The following POLA1 variants were observed in gnomAD, a reference collection of about 807,000 sequenced individuals.
The protein encoded by POLA1 is DNA polymerase alpha 1, catalytic subunit, also known as DNA polymerase alpha catalytic subunit.
Under a neutral mutation model 124.0 loss-of-function variants are expected in POLA1, and 15 were observed. The ratio of observed to expected loss-of-function variants is 0.12; its 90% CI spans 0.08 to 0.19. The LOEUF (loss-of-function observed/expected upper bound fraction) is 0.19. Among genes scored for constraint, POLA1 ranks in the 10% least tolerant of loss-of-function variants. The pLI, the probability that POLA1 is intolerant of heterozygous loss-of-function variation, is 1.00. For missense variants in POLA1, 886 were observed against 1,103.4 expected, an observed-to-expected ratio of 0.80 and a Z score of 2.79; for synonymous variants, 408 against 389.4, an observed-to-expected ratio of 1.05 and a Z score of -0.56.
At chrX:24,800,190 A>T (rs2045682251) in intron 26 of POLA1, among the ~76,000 whole-genome samples, 2 of 112,044 alleles carry the variant, frequency 1.8e-5, no homozygotes, top group South Asian at 7.6e-4. Context: ...TCTAGTCTTA[A>T]TGAAAATTGT....
intron 2 of POLA1, among the ~76,000 whole-genome samples, chrX:24,700,145 T>C (rs898606296): frequency 9.2e-6 from 1 of 108,153 alleles, no homozygotes; most frequent in Non-Finnish European, 1.9e-5. Flanking sequence ...AATTGCCTTA[T>C]GGCCAGAAAG....
At chrX:24,867,611 A>G (rs1477475778) in intron 34 of POLA1, among the ~76,000 whole-genome samples, 1 of 112,065 alleles carries the variant, frequency 8.9e-6, no homozygotes, top group Non-Finnish European at 1.9e-5. Context: ...TTTTTAAAGC[A>G]TTAATTTACA....
Position 24,946,126 on chromosome X carries a change from T to A in POLA1, c.4261+15577T>A, listed in dbSNP as rs964070962. Among the ~76,000 whole-genome samples, 3 of 110,992 alleles carry A rather than the reference T, an allele frequency of 2.7e-5. No homozygotes were observed. In the South Asian group the frequency reaches 1.2e-3, roughly 43 times the overall value. ...GACTGGATAGGTAACTGGGGAGATA[T>A]TAAGGTGGAGGCTAACCCAAACGTG... is the stretch of plus-strand genomic sequence containing the variant. On this transcript the variant is annotated intron_variant, in intron 36 of 36. Transcript: ENST00000379068.
intron 26 of POLA1, among the ~76,000 whole-genome samples, chrX:24,791,054 G>C (rs1261621174): frequency 1.8e-5 from 2 of 109,239 alleles, no homozygotes; most frequent in African/African-American, 6.7e-5. Flanking sequence ...CTGTCAATCG[G>C]TGGCATAATC....
rs763787149 is a variant in POLA1, at chrX:24,694,014, A to G, written c.43+10A>G. 4 of 1,175,565 alleles carry G rather than the reference A, an allele frequency of 3.4e-6. No homozygotes were observed. The highest frequency in any genetic ancestry group is 1.9e-5 in the South Asian group (1 of 53,123). ...GAGATAGGGGCGAGTGGTGAGGGAC[A>G]ATTCCGCGCGCGGGGCTCCGGGTTG... On this transcript the variant is annotated intron_variant, in intron 1 of 36. Transcript: ENST00000379068.
chrX:24,874,153 C>G (rs1444732108), intron 34 of POLA1, among the ~76,000 whole-genome samples: 1 of 112,064 alleles, frequency 8.9e-6, no homozygotes, highest in Non-Finnish European at 1.9e-5. Flanking sequence ...GCTCTAAAGT[C>G]TCTTCCAATT....
chrX:24,860,743 C>T (rs1231858823), intron 34 of POLA1, among the ~76,000 whole-genome samples: 1 of 112,448 alleles, frequency 8.9e-6, no homozygotes, highest in Non-Finnish European at 1.9e-5. Flanking sequence ...TTTTGTGTTA[C>T]TTTCCTTTTG....
At chrX:24,713,511 G>C (rs1002278441) in intron 4 of POLA1, among the ~76,000 whole-genome samples, 2 of 111,339 alleles carry the variant, frequency 1.8e-5, no homozygotes, top group Non-Finnish European at 3.8e-5. Context: ...CGCCTCCGGG[G>C]TTCAAGCGAT....
chrX:24,778,744 A>G (rs778928338), intron 26 of POLA1, among the ~76,000 whole-genome samples: 12 of 111,494 alleles, frequency 1.1e-4, no homozygotes, highest in Non-Finnish European at 2.3e-4. Flanking sequence ...TTTTTTACAG[A>G]AGAGGAAAGC....
intron 26 of POLA1, among the ~76,000 whole-genome samples, chrX:24,790,235 G>A (rs1276743377): frequency 8.9e-6 from 1 of 111,852 alleles, no homozygotes; most frequent in African/African-American, 3.2e-5. Flanking sequence ...AACTTTAGAC[G>A]TCATAGAAAC....
chrX:24,841,977 T>A (rs1447455432), intron 33 of POLA1, 147 bp downstream of exon 33: 2 of 406,336 alleles, frequency 4.9e-6, no homozygotes, highest in Non-Finnish European at 8.3e-6. Flanking sequence ...ATGTGAAATC[T>A]ACCTTCACAG....
At chrX:24,883,435 T>G (rs2047028386) in intron 34 of POLA1, among the ~76,000 whole-genome samples, 1 of 112,219 alleles carries the variant, frequency 8.9e-6, no homozygotes, top group South Asian at 3.7e-4. Context: ...CAGTTTGTGT[T>G]TAAGGTGCAA....
chrX:24,964,818 C>T (rs1297004861), intron 36 of POLA1, among the ~76,000 whole-genome samples: 1 of 111,966 alleles, frequency 8.9e-6, no homozygotes, highest in Non-Finnish European at 1.9e-5. Flanking sequence ...CCTTTTTATG[C>T]ATTTTGTCTC....
chrX:24,708,040 C>T (rs1928928796), intron 4 of POLA1, among the ~76,000 whole-genome samples: 1 of 111,911 alleles, frequency 8.9e-6, no homozygotes, highest in Non-Finnish European at 1.9e-5. Flanking sequence ...GAAAAATTAG[C>T]AGGAAAATGC....
intron 26 of POLA1, among the ~76,000 whole-genome samples, chrX:24,759,230 T>C (rs1177211929): frequency 2.7e-5 from 3 of 112,169 alleles, no homozygotes. Flanking sequence ...TTTCCACCCA[T>C]ATATTGGATT....
intron 2 of POLA1, among the ~76,000 whole-genome samples, chrX:24,701,126 G>A (rs1425776263): frequency 9.0e-6 from 1 of 111,432 alleles, no homozygotes; most frequent in African/African-American, 3.3e-5. Context: ...AAGAAAGTTG[G>A]TCAGTATAGT....
intron 34 of POLA1, among the ~76,000 whole-genome samples, chrX:24,874,363 A>T (rs1427638591): frequency 8.9e-6 from 1 of 111,989 alleles, no homozygotes; most frequent in Admixed American, 9.5e-5. Flanking sequence ...TTATTAAGCT[A>T]TGTACATGAT....
intron 35 of POLA1, among the ~76,000 whole-genome samples, chrX:24,911,229 G>T (rs1397063630): frequency 8.9e-6 from 1 of 111,837 alleles, no homozygotes; most frequent in Admixed American, 9.5e-5. Context: ...ATACTGTGAT[G>T]TGTACTGTAA....
At chrX:24,982,425 C>A (rs1299482507) in intron 36 of POLA1, among the ~76,000 whole-genome samples, 1 of 109,313 alleles carries the variant, frequency 9.1e-6, no homozygotes, top group Non-Finnish European at 1.9e-5. Flanking sequence ...TGTGACTGAC[C>A]AGCTCTCTAA....
Sources: gnomAD v4.1 joint callset for allele counts (sites outside exome capture counted in the v4.1 genomes callset) on GRCh38, gnomAD v4.1.1 for gene constraint, MANE v1.5 for transcripts, NCBI Gene and HGNC (gene_info 2026-07-23, HGNC 2026-07-21) for gene names.